The following ROCK2 variants were observed in gnomAD, a reference collection of about 807,000 sequenced individuals.
ROCK2 encodes rho-associated protein kinase 2.
In ROCK2, 61 loss-of-function variants were observed where a neutral mutation model predicts 195.1. The ratio of observed to expected loss-of-function variants is 0.31; its 90% CI spans 0.25 to 0.39. The LOEUF (loss-of-function observed/expected upper bound fraction) is 0.39, where lower values mean the gene tolerates loss of function less well. Ranked by LOEUF, ROCK2 falls within the 10% of genes least tolerant of loss-of-function variation. The pLI is 1.00. For synonymous variants in ROCK2, 504 were observed against 545.5 expected (o/e 0.92, Z 1.06); for missense variants, 1,109 against 1,637.4 (o/e 0.68, Z 5.57).
chr2:11,227,486 A>G, intron 5 of ROCK2, 88 bp from the exon 6 acceptor site: 1 of 1,220,954 alleles, frequency 8.2e-7, no homozygotes, highest in African/African-American at 1.5e-5. Flanking sequence ...TACTAGATAT[A>G]CAATGATTAC....
At chr2:11,317,519 C>T (rs1462866765) in intron 1 of ROCK2, among the ~76,000 whole-genome samples, 1 of 137,886 alleles carries the variant, frequency 7.3e-6, no homozygotes, top group Non-Finnish European at 1.5e-5. Flanking sequence ...CAGGCATATA[C>T]ATAAACAGCT....
intron 1 of ROCK2, among the ~76,000 whole-genome samples, chr2:11,314,008 T>C (rs1668116737): frequency 6.6e-6 from 1 of 151,910 alleles, no homozygotes. Flanking sequence ...AGAACACTCT[T>C]TGATACTCAG....
intron 27 of ROCK2, among the ~76,000 whole-genome samples, chr2:11,195,484 T>C (rs1449346548): frequency 6.6e-6 from 1 of 152,178 alleles, no homozygotes; most frequent in East Asian, 1.9e-4. Context: ...AGAATAACTA[T>C]AATAAAATAA....
At chr2:11,227,421 G>C (rs1164345782) in intron 5 of ROCK2, 23 bp from the exon 6 acceptor site, 1 of 1,589,210 alleles carries the variant, frequency 6.3e-7, no homozygotes, top group South Asian at 1.2e-5. Context: ...GAGAGATAAA[G>C]AAAAAACAGT....
intron 1 of ROCK2, chr2:11,309,002 C>CCATCATACATCA (rs1667949952): frequency 6.3e-7 from 1 of 1,596,228 alleles, no homozygotes. Flanking sequence ...ACCATCATAG[C>CCATCATACATCA]TCTGTGTAGC....
At chr2:11,267,392 A>G (rs1268366900) in intron 3 of ROCK2, among the ~76,000 whole-genome samples, 1 of 151,978 alleles carries the variant, frequency 6.6e-6, no homozygotes, top group Non-Finnish European at 1.5e-5. Context: ...CAACTACTAT[A>G]TATTTTCCCT....
At chr2:11,343,610 T>C (rs75398882) in intron 1 of ROCK2, among the ~76,000 whole-genome samples, 11,871 of 152,174 alleles carry the variant, frequency 0.078, 663 homozygotes, top group Middle Eastern at 0.14. Context: ...GGTTTCTTTC[T>C]CCCTCGCTCG....
At chr2:11,195,068 C>A in intron 27 of ROCK2, 43 bp from the exon 28 acceptor site, 1 of 1,041,428 alleles carries the variant, frequency 9.6e-7, no homozygotes, top group Non-Finnish European at 1.4e-6. Flanking sequence ...TAACAATTCT[C>A]CTTAGATAAC....
chr2:11,272,935 C>T lies in ROCK2; in HGVS notation c.324+13604G>A, dbSNP rs546748365. Among the ~76,000 whole-genome samples, 4 of 148,624 alleles carry T rather than the reference C, an allele frequency of 2.7e-5. No individual in the cohort carries two copies. In the South Asian group the frequency reaches 6.4e-4, roughly 24 times the overall value. On this transcript the variant is annotated intron_variant, in intron 3 of 32. Coordinates refer to ENST00000315872, the MANE Select transcript of ROCK2 (RefSeq NM_004850.5). The stretch of plus-strand genomic sequence containing the variant: ...TTGAAGCTAAGCTGGTATAAATTGA[C>T]ATCTGAATTTTTATAAGTTTAGGAT...
intron 9 of ROCK2, among the ~76,000 whole-genome samples, chr2:11,219,772 C>T (rs1664564165): frequency 6.6e-6 from 1 of 151,812 alleles, no homozygotes; most frequent in African/African-American, 2.4e-5. Context: ...TATTGAACAG[C>T]TTTCAGTGGC....
At chr2:11,228,392 C>G (rs1657115733) in intron 5 of ROCK2, among the ~76,000 whole-genome samples, 1 of 152,112 alleles carries the variant, frequency 6.6e-6, no homozygotes. Context: ...CATTCATTCT[C>G]AAATTGGCAG....
At chr2:11,258,240 G>A (rs1183811362) in intron 3 of ROCK2, among the ~76,000 whole-genome samples, 1 of 151,326 alleles carries the variant, frequency 6.6e-6, no homozygotes, top group African/African-American at 2.5e-5. Context: ...GTGAATAAGT[G>A]ACTGACTGAA....
chr2:11,232,510 C>G (rs1665056259), intron 5 of ROCK2, among the ~76,000 whole-genome samples: 1 of 152,124 alleles, frequency 6.6e-6, no homozygotes, highest in Non-Finnish European at 1.5e-5. Flanking sequence ...CTTAAACTTG[C>G]AATAAGACTA....
intron 11 of ROCK2, 75 bp from the exon 12 acceptor site, chr2:11,217,244 T>C: frequency 2.5e-6 from 2 of 788,098 alleles, no homozygotes; most frequent in South Asian, 1.4e-5. Context: ...AAAACAATGA[T>C]AAGCTTATTT....
Position 11,308,616 on chromosome 2 carries a change from T to C in ROCK2, c.142-20880A>G, listed in dbSNP as rs867550606. 2.5e-5 allele frequency: 37 copies of C among 1,466,230 alleles called. No individual in the cohort carries two copies. The Middle Eastern group carries it at 5.1e-4, about 20-fold the overall frequency. The allele number at this position is 1,466,230 out of a possible 1,614,324, so 90.8% of individuals were successfully genotyped here. The stretch of plus-strand genomic sequence containing the variant: ...GTTAGTGTAAAGGATCTGAATGGCA[T>C]AGACTTAACTCCTGTGCAAGATACT... On this transcript the variant is annotated intron_variant, in intron 1 of 32. Transcript: ENST00000315872.
At chr2:11,243,361 G>A (rs1260710728) in intron 4 of ROCK2, among the ~76,000 whole-genome samples, 2 of 151,920 alleles carry the variant, frequency 1.3e-5, no homozygotes, top group South Asian at 2.1e-4. Flanking sequence ...CCAATCAAGG[G>A]GCTTCTTCTA....
chr2:11,215,268 T>C lies in ROCK2; in HGVS notation c.1689+53A>G, dbSNP rs977496740. ...CAACACTGTCAATTAAAACTAATGT[T>C]ATCGCGTTAAAAATAAAACCCAGTA... On this transcript the variant is annotated intron_variant, in intron 15 of 32. Coordinates refer to ENST00000315872, the MANE Select transcript of ROCK2 (RefSeq NM_004850.5). 195 of 1,447,984 alleles carry C rather than the reference T, an allele frequency of 1.3e-4. 1 individual carries two copies. The highest frequency in any genetic ancestry group is 1.8e-4 in the Non-Finnish European group (191 of 1,066,772). 89.7% of individuals were successfully genotyped at this position (1,447,984 alleles called of 1,614,324 possible). A position where few individuals can be genotyped will look rare whatever the true frequency, so the allele number is the denominator to read the frequency against.
intron 1 of ROCK2, among the ~76,000 whole-genome samples, chr2:11,323,989 T>G (rs1482830847): frequency 6.6e-6 from 1 of 152,206 alleles, no homozygotes; most frequent in East Asian, 1.9e-4. Flanking sequence ...TCTTCTGTCC[T>G]CCACCTATTC....
intron 3 of ROCK2, among the ~76,000 whole-genome samples, chr2:11,265,390 T>C (rs1666379085): frequency 6.6e-6 from 1 of 152,236 alleles, no homozygotes; most frequent in Non-Finnish European, 1.5e-5. Flanking sequence ...ATTATTCTAC[T>C]GTGAACATAT....
Sources: allele counts gnomAD v4.1 joint callset (sites outside exome capture counted in the v4.1 genomes callset), GRCh38; gene constraint gnomAD v4.1.1; transcripts MANE v1.5; gene names NCBI Gene and HGNC (gene_info 2026-07-23, HGNC 2026-07-21).